Variants in CCDC178 observed in about 807,000 individuals in gnomAD.
The protein encoded by CCDC178 is coiled-coil domain-containing protein 178.
CCDC178 carries 126 observed loss-of-function variants against 117.4 expected under a neutral mutation model. The ratio of observed to expected loss-of-function variants is 1.07; its 90% CI spans 0.93 to 1.24. The LOEUF is 1.24. Among genes scored for constraint, CCDC178 ranks in the 50% most tolerant of loss-of-function variants. CCDC178 has a pLI of 0.00. For missense variants in CCDC178, 1,030 were observed against 986.9 expected (o/e 1.04, Z -0.59); for synonymous variants, 283 against 313.4 (o/e 0.90, Z 1.02).
chr18:33,434,611 G>C (rs1033910074), intron 2 of CCDC178, among the ~76,000 whole-genome samples: 4 of 152,148 alleles, frequency 2.6e-5, no homozygotes, highest in Admixed American at 6.5e-5. Context: ...TTGTGTTTCA[G>C]AGAAATTAAT....
intron 21 of CCDC178, among the ~76,000 whole-genome samples, chr18:32,984,203 T>A (rs1311586447): frequency 6.6e-6 from 1 of 151,866 alleles, no homozygotes; most frequent in East Asian, 1.9e-4. Flanking sequence ...ATTTAATTAC[T>A]CTAATTATAT....
chr18:32,969,685 T>C (rs2054886736), intron 22 of CCDC178, among the ~76,000 whole-genome samples: 1 of 151,950 alleles, frequency 6.6e-6, no homozygotes, highest in Non-Finnish European at 1.5e-5. Flanking sequence ...AAATTATGCT[T>C]CCCAAACTTG....
intron 21 of CCDC178, among the ~76,000 whole-genome samples, chr18:33,027,305 G>T (rs916783700): frequency 6.6e-6 from 1 of 151,486 alleles, no homozygotes; most frequent in African/African-American, 2.4e-5. Flanking sequence ...AGAACTTAAA[G>T]AATGAAAAAG....
intron 22 of CCDC178, among the ~76,000 whole-genome samples, chr18:32,961,236 TAA>T (rs1490266236): frequency 1.3e-5 from 2 of 152,170 alleles, no homozygotes; most frequent in East Asian, 3.9e-4. Context: ...ATTTCTACTT[TAA>T]GTTTTCTCAA....
chr18:33,384,193 TC>T (rs202126366), intron 5 of CCDC178, among the ~76,000 whole-genome samples: 1 of 151,910 alleles, frequency 6.6e-6, no homozygotes, highest in East Asian at 1.9e-4. Context: ...AAACAAAACC[TC>T]TGAGAACTAT....
intron 20 of CCDC178, among the ~76,000 whole-genome samples, chr18:33,114,194 T>C (rs1289263994): frequency 6.6e-6 from 1 of 152,006 alleles, no homozygotes; most frequent in African/African-American, 2.4e-5. Flanking sequence ...GATGTAAACC[T>C]GCATGAGGAA....
intron 2 of CCDC178, among the ~76,000 whole-genome samples, chr18:33,418,232 A>C (rs2063973024): frequency 6.6e-6 from 1 of 152,212 alleles, no homozygotes. Flanking sequence ...AACAGAACTA[A>C]AAACTACATG....
intron 11 of CCDC178, among the ~76,000 whole-genome samples, chr18:33,294,392 C>G (rs963735105): frequency 6.6e-6 from 1 of 151,942 alleles, no homozygotes; most frequent in Non-Finnish European, 1.5e-5. Flanking sequence ...AAGAGTAAAA[C>G]GTTTATATGT....
chr18:33,400,952 G>T (rs556880526), intron 3 of CCDC178, among the ~76,000 whole-genome samples: 25 of 152,222 alleles, frequency 1.6e-4, no homozygotes, highest in African/African-American at 6.0e-4. Flanking sequence ...TGAACTCTTA[G>T]AGGGCATTGT....
At chr18:32,985,201 C>T (rs1438811217) in intron 21 of CCDC178, among the ~76,000 whole-genome samples, 1 of 151,750 alleles carries the variant, frequency 6.6e-6, no homozygotes, top group Non-Finnish European at 1.5e-5. Flanking sequence ...ATTATAAATA[C>T]CCCCAGCATT....
At chr18:33,423,564 G>A (rs1480001994) in intron 2 of CCDC178, among the ~76,000 whole-genome samples, 1 of 151,792 alleles carries the variant, frequency 6.6e-6, no homozygotes, top group East Asian at 1.9e-4. Context: ...AAGGATTCTT[G>A]TACACTTTTC....
At chr18:33,095,764 A>T (rs1446263025) in intron 20 of CCDC178, among the ~76,000 whole-genome samples, 1 of 151,808 alleles carries the variant, frequency 6.6e-6, no homozygotes, top group Non-Finnish European at 1.5e-5. Flanking sequence ...GTACTACTTG[A>T]GAGGTGTATA....
Position 32,973,399 on chromosome 18 carries a change from A to G in CCDC178, c.2523+1148T>C, listed in dbSNP as rs568766391. ...ACATTTTAACAGACTTAAGGAAAAC[A>G]AGATGCTCCTGACTTCTAAAATAAT... On this transcript the variant is annotated intron_variant, in intron 22 of 22. Transcript: ENST00000383096. Among the ~76,000 whole-genome samples the G allele has an allele frequency of 5.3e-5, 8 of 152,252 alleles. No homozygotes were observed. The South Asian group carries it at 1.2e-3, about 24-fold the overall frequency.
chr18:33,147,302 G>A (rs562275684), intron 20 of CCDC178, among the ~76,000 whole-genome samples: 6 of 150,702 alleles, frequency 4.0e-5, no homozygotes, highest in South Asian at 2.1e-4. Flanking sequence ...CCATGTCCTC[G>A]GGTGGCAGAG....
chr18:33,275,783 G>C (rs1260521285), intron 12 of CCDC178, among the ~76,000 whole-genome samples: 1 of 151,396 alleles, frequency 6.6e-6, no homozygotes, highest in Non-Finnish European at 1.5e-5. Flanking sequence ...TGCCAGCTTT[G>C]CAAATTCATT....
chr18:33,282,366 G>A (rs1167453714), intron 12 of CCDC178, among the ~76,000 whole-genome samples: 1 of 152,120 alleles, frequency 6.6e-6, no homozygotes, highest in African/African-American at 2.4e-5. Flanking sequence ...CATACCTCTA[G>A]GCTCGACTTG....
intron 21 of CCDC178, among the ~76,000 whole-genome samples, chr18:33,086,994 A>T (rs2057389037): frequency 6.6e-6 from 1 of 150,640 alleles, no homozygotes; most frequent in South Asian, 2.1e-4. Context: ...ACACACACAC[A>T]CACACACACA....
At chr18:33,241,351 T>C (rs933865246) in intron 15 of CCDC178, among the ~76,000 whole-genome samples, 1 of 151,272 alleles carries the variant, frequency 6.6e-6, no homozygotes, top group East Asian at 1.9e-4. Flanking sequence ...GTCAGAGCAA[T>C]TGGGCAAGAA....
intron 20 of CCDC178, among the ~76,000 whole-genome samples, chr18:33,170,634 C>T (rs1035856753): frequency 6.6e-6 from 1 of 151,898 alleles, no homozygotes; most frequent in Non-Finnish European, 1.5e-5. Context: ...TAAATAATTA[C>T]ATGTTAAAAT....
Sources: allele counts gnomAD v4.1 joint callset (sites outside exome capture counted in the v4.1 genomes callset), GRCh38; gene constraint gnomAD v4.1.1; transcripts MANE v1.5; gene names NCBI Gene and HGNC (gene_info 2026-07-23, HGNC 2026-07-21).